PRPSAP1: variants seen among roughly 807,000 people sequenced by gnomAD.
PRPSAP1 encodes the protein phosphoribosyl pyrophosphate synthase-associated protein 1.
PRPSAP1 carries 31 observed loss-of-function variants against 39.4 expected under a neutral mutation model. The observed-to-expected ratio is 0.79, with a 90% CI of 0.59 to 1.06. The LOEUF is 1.06. Ranked by LOEUF, PRPSAP1 falls within the 50% of genes least tolerant of loss-of-function variation. The pLI is 0.00. For missense variants in PRPSAP1, 430 were observed against 511.6 expected (o/e 0.84, Z 1.54); for synonymous variants, 212 against 192.6 (o/e 1.10, Z -0.83).
intron 1 of PRPSAP1, among the ~76,000 whole-genome samples, chr17:76,350,331 C>A (rs1446938905): frequency 6.6e-6 from 1 of 150,472 alleles, no homozygotes; most frequent in Admixed American, 6.7e-5. Context: ...CCCAGCTACT[C>A]GGGAGGCTGA....
chr17:76,353,852 C>A lies in PRPSAP1; in HGVS notation c.-149G>T. ...CCGAGGTCCGTGCCCTTGCGCACCC[C>A]ACACCACTGACTACAGCGGCCGAGC... On this transcript the variant is annotated 5_prime_UTR_variant, in exon 1 of 10. Coordinates refer to ENST00000446526, the MANE Select transcript of PRPSAP1 (RefSeq NM_002766.3). The A allele has an allele frequency of 1.6e-5, 22 of 1,366,062 alleles. No homozygotes were observed. Among genetic ancestry groups the A allele is most frequent in the South Asian group, 3.4e-5 (2 of 58,418 alleles). 84.6% of individuals were successfully genotyped at this position (1,366,062 alleles called of 1,614,324 possible).
At chr17:76,334,748 T>C (rs1388773602) in intron 3 of PRPSAP1, among the ~76,000 whole-genome samples, 1 of 152,214 alleles carries the variant, frequency 6.6e-6, no homozygotes, top group East Asian at 1.9e-4. Context: ...CAGTTACCTT[T>C]TATTTTTTCT....
chr17:76,335,003 C>G (rs1017320183), intron 3 of PRPSAP1, among the ~76,000 whole-genome samples: 1 of 152,224 alleles, frequency 6.6e-6, no homozygotes, highest in Admixed American at 6.5e-5. Flanking sequence ...CAAAGGCCAT[C>G]TGGGACCACT....
rs1305460254 is a variant in PRPSAP1 at position 76,332,284 on chromosome 17, C to T, written c.442G>A (p.Ala148Thr). ...TCACCTGCTTTCGCCAGCATGGATGCTAGCAGCTTGCACACAATGGAACCC... is the reference window on the plus strand; with the variant it reads ...TCACCTGCTTTCGCCAGCATGGATGTTAGCAGCTTGCACACAATGGAACCC... ...KRGSIVCKLL[A>T]SMLAKAGLTH... Residue 148 changes from alanine (A) to threonine (T), a missense_variant, in exon 4 of 10, where the codon GCA (alanine) becomes ACA (threonine). By Grantham distance (58) the Ala-to-Thr change is moderately conservative (BLOSUM62 0). Around this residue, in one of 2 missense-constraint regions of PRPSAP1, gnomAD observed 278 missense variants for 376.3 expected, o/e 0.74. Transcript: ENST00000446526. 2 of 1,614,100 alleles carry T rather than the reference C, an allele frequency of 1.2e-6. No individual in the cohort carries two copies. Among genetic ancestry groups the T allele is most frequent in the Non-Finnish European group, 8.5e-7 (1 of 1,179,998 alleles).
chr17:76,324,140 C>CAAAA (rs34741154), intron 7 of PRPSAP1, among the ~76,000 whole-genome samples: 1 of 117,146 alleles, frequency 8.5e-6, no homozygotes, highest in African/African-American at 3.0e-5. Context: ...GAGACTGTCT[C>CAAAA]AAAAAAAAAA....
intron 3 of PRPSAP1, among the ~76,000 whole-genome samples, chr17:76,342,055 T>C (rs1189674733): frequency 6.6e-6 from 1 of 152,112 alleles, no homozygotes; most frequent in Non-Finnish European, 1.5e-5. Context: ...ATATCCTCAA[T>C]GAGGGCAACG....
At chr17:76,340,738 A>G (rs2071427094) in intron 3 of PRPSAP1, among the ~76,000 whole-genome samples, 1 of 152,012 alleles carries the variant, frequency 6.6e-6, no homozygotes. Context: ...TAAAAATACA[A>G]AATTAGCCGG....
intron 7 of PRPSAP1, among the ~76,000 whole-genome samples, chr17:76,323,716 G>GTT (rs538514428): frequency 0.012 from 1,736 of 145,810 alleles, 36 homozygotes; most frequent in African/African-American, 0.04. Flanking sequence ...AAGGTTTTTT[G>GTT]TTTTTTTTTT....
At chr17:76,312,797 T>G (rs2071082149) in intron 9 of PRPSAP1, 73 bp downstream of exon 9, 1 of 1,534,560 alleles carries the variant, frequency 6.5e-7, no homozygotes, top group Non-Finnish European at 8.7e-7. Context: ...CAATTTAGTA[T>G]TGACTGAATC....
intron 9 of PRPSAP1, among the ~76,000 whole-genome samples, chr17:76,312,498 C>A (rs2071079635): frequency 6.6e-6 from 1 of 151,922 alleles, no homozygotes; most frequent in African/African-American, 2.4e-5. Context: ...TTGGCCTAGC[C>A]CTACCTTAAA....
At chr17:76,317,049 A>G (rs1263944753) in intron 7 of PRPSAP1, among the ~76,000 whole-genome samples, 1 of 152,260 alleles carries the variant, frequency 6.6e-6, no homozygotes, top group Non-Finnish European at 1.5e-5. Flanking sequence ...ATGTCAAACC[A>G]TATCAACAAA....
intron 7 of PRPSAP1, among the ~76,000 whole-genome samples, chr17:76,320,049 C>T (rs2071172511): frequency 1.3e-5 from 2 of 151,980 alleles, no homozygotes; most frequent in African/African-American, 4.8e-5. Context: ...GCAGGCGGAT[C>T]ACTTGAGGTC....
intron 7 of PRPSAP1, among the ~76,000 whole-genome samples, chr17:76,321,113 G>A (rs896110122): frequency 7.2e-5 from 11 of 152,076 alleles, no homozygotes; most frequent in Non-Finnish European, 5.9e-5. Flanking sequence ...GCATGTGCTC[G>A]TTTCATGTTT....
chr17:76,327,740 A>G (rs2071269123), intron 7 of PRPSAP1, among the ~76,000 whole-genome samples: 2 of 152,194 alleles, frequency 1.3e-5, no homozygotes, highest in Admixed American at 6.5e-5. Context: ...ATGATAATGT[A>G]AAAGCTTAAG....
intron 4 of PRPSAP1, 145 bp downstream of exon 4, chr17:76,332,118 G>T: frequency 1.1e-6 from 1 of 893,582 alleles, no homozygotes; most frequent in Non-Finnish European, 1.7e-6. Flanking sequence ...ATTTCTAACC[G>T]AGCTCACATA....
rs1451167429 is a variant in PRPSAP1 at position 76,327,755 on chromosome 17, C to T, written c.781+962G>A. ...ATGATAATGTAAAAGCTTAAGATTT[C>T]ACACCATCACACATACAACTTTTTT... On this transcript the variant is annotated intron_variant, in intron 7 of 9. Transcript: ENST00000446526. Among the ~76,000 whole-genome samples, 8 of 152,132 alleles carry T rather than the reference C, an allele frequency of 5.3e-5. No homozygotes were observed. In the South Asian group the frequency reaches 1.7e-3, roughly 31 times the overall value.
intron 7 of PRPSAP1, among the ~76,000 whole-genome samples, chr17:76,322,612 G>A (rs1038023620): frequency 1.3e-5 from 2 of 152,102 alleles, no homozygotes; most frequent in African/African-American, 2.4e-5. Context: ...AGGCTGAGGC[G>A]GGAGGATTAC....
At chr17:76,352,104 A>G (rs759087954) in intron 1 of PRPSAP1, among the ~76,000 whole-genome samples, 1 of 152,050 alleles carries the variant, frequency 6.6e-6, no homozygotes, top group Non-Finnish European at 1.5e-5. Flanking sequence ...AAAAATGACT[A>G]AAGTTTTCCC....
intron 4 of PRPSAP1, among the ~76,000 whole-genome samples, chr17:76,331,320 T>C (rs1211964840): frequency 4.6e-5 from 7 of 152,172 alleles, no homozygotes; most frequent in South Asian, 2.1e-4. Flanking sequence ...AGAAACACTA[T>C]AGTTTTTTGG....
Sources: gnomAD v4.1 joint callset for allele counts (sites outside exome capture counted in the v4.1 genomes callset) on GRCh38, gnomAD v4.1.1 for gene constraint, gnomAD v4.1.1 regional missense constraint, MANE v1.5 for transcripts, NCBI Gene and HGNC (gene_info 2026-07-23, HGNC 2026-07-21) for gene names.